Variants in PDE6B observed in about 807,000 individuals in gnomAD.
The protein encoded by PDE6B is rod cGMP-specific 3',5'-cyclic phosphodiesterase subunit beta.
Under a neutral mutation model 109.0 loss-of-function variants are expected in PDE6B, and 106 were observed. The observed-to-expected ratio is 0.97, with a 90% confidence interval of 0.83 to 1.14. The LOEUF (loss-of-function observed/expected upper bound fraction) is 1.14, where lower values mean the gene tolerates loss of function less well. PDE6B is among the 50% of genes most tolerant of loss of function. The pLI is 0.00. For synonymous variants in PDE6B, 490 were observed against 471.3 expected, an observed-to-expected ratio of 1.04 and a Z score of -0.51; for missense variants, 1,193 against 1,155.6, an observed-to-expected ratio of 1.03 and a Z score of -0.47.
intron 21 of PDE6B, among the ~76,000 whole-genome samples, chr4:669,610 C>G (rs1421673339): frequency 1.1e-5 from 1 of 90,326 alleles, no homozygotes; most frequent in Admixed American, 9.8e-5. Context: ...TTCCCGCTAC[C>G]CCATGCTATT....
rs1737467692 is a variant in PDE6B, at chr4:663,996, G to A, written c.2022-118G>A. The A allele has an allele frequency of 5.4e-6, 6 of 1,117,214 alleles. No individual in the cohort carries two copies. Among genetic ancestry groups the A allele is most frequent in the Admixed American group, 3.6e-5 (2 of 55,902 alleles). The allele number at this position is 1,117,214 out of a possible 1,614,324, so 69.2% of individuals were successfully genotyped here. On this transcript the variant is annotated intron_variant, in intron 16 of 21. Transcript: ENST00000496514. This position sits in a 1 kb window ranked among gnomAD's most constrained non-coding sequence, Gnocchi z 4.0. ...GCCCCGGATTCCGTCCCTGCCCGCC[G>A]GCCCCGCGCACCCCGGATGGGGCCT...
In PDE6B at chr4:639,453, A is replaced by G. The variant is rs547629197; in HGVS notation, c.711+3484A>G. Reference sequence around the variant, plus strand: ...AGAGCAGGGGCTCTGCTAGCAGCAAACATGAGGGAATAGAGAGCAGGTCCC... The same window carrying G: ...AGAGCAGGGGCTCTGCTAGCAGCAAGCATGAGGGAATAGAGAGCAGGTCCC... On this transcript the variant is annotated intron_variant, in intron 3 of 21. Coordinates refer to ENST00000496514, the MANE Select transcript of PDE6B (RefSeq NM_000283.4). Among the ~76,000 whole-genome samples, 18 of 152,290 alleles carry G rather than the reference A, an allele frequency of 1.2e-4. No homozygotes were observed. In the South Asian group the frequency reaches 2.7e-3, roughly 23 times the overall value.
Position 662,532 on chromosome 4 carries a change from C to T in PDE6B, c.1746C>T (p.Tyr582=), listed in dbSNP as rs200172075. Residue 582 remains tyrosine (Y), a synonymous_variant, in exon 14 of 22, where the codon TAC becomes TAT. Coordinates refer to ENST00000496514, the MANE Select transcript of PDE6B (RefSeq NM_000283.4). The surrounding 1 kb of genome is among the most constrained non-coding windows in gnomAD (Gnocchi z 4.3). ...AGACCGGCAAACTGAAGAGCTACTA[C>T]ACGGACCTGGAGGCCTTCGCCATGG... ...LLMTGKLKSY[Y]TDLEAFAMVT... 3.4e-5 allele frequency: 55 copies of T among 1,612,480 alleles called. No homozygotes were observed. Among genetic ancestry groups the T allele is most frequent in the Non-Finnish European group, 5.1e-6 (6 of 1,179,272 alleles).
intron 11 of PDE6B, among the ~76,000 whole-genome samples, chr4:659,459 A>G (rs1736760773): frequency 6.6e-6 from 1 of 152,050 alleles, no homozygotes; most frequent in Non-Finnish European, 1.5e-5. Flanking sequence ...GTCTGTGTGC[A>G]TGTGTGTGCA....
At chr4:640,679 C>T (rs192312011) in intron 3 of PDE6B, among the ~76,000 whole-genome samples, 87 of 152,178 alleles carry the variant, frequency 5.7e-4, no homozygotes, top group Non-Finnish European at 1.1e-3. Context: ...TTGTATTTTA[C>T]GTTAGATGTG....
At chr4:650,783 C>T (rs960457383) in intron 3 of PDE6B, among the ~76,000 whole-genome samples, 8 of 152,030 alleles carry the variant, frequency 5.3e-5, no homozygotes, top group African/African-American at 1.4e-4. Flanking sequence ...AGAGCCATTC[C>T]GGAGGGCAGG....
intron 1 of PDE6B, among the ~76,000 whole-genome samples, chr4:630,954 G>A (rs535063379): frequency 9.8e-5 from 15 of 152,314 alleles, no homozygotes; most frequent in East Asian, 1.9e-4. Flanking sequence ...GGATGGTAAC[G>A]GCAGCCCACC....
At chr4:667,505 G>A (rs1209130740) in intron 20 of PDE6B, among the ~76,000 whole-genome samples, 1 of 152,194 alleles carries the variant, frequency 6.6e-6, no homozygotes, top group Non-Finnish European at 1.5e-5. Context: ...GTGTGGGAGG[G>A]ACGGGAGAAG....
chr4:647,055 A>G (rs1009664172), intron 3 of PDE6B, among the ~76,000 whole-genome samples: 1 of 151,660 alleles, frequency 6.6e-6, no homozygotes, highest in Non-Finnish European at 1.5e-5. Flanking sequence ...GATGAGTGTC[A>G]CCATGTTGGC....
intron 1 of PDE6B, among the ~76,000 whole-genome samples, chr4:628,337 C>A (rs1172793846): frequency 6.6e-6 from 1 of 152,212 alleles, no homozygotes; most frequent in African/African-American, 2.4e-5. Context: ...TGAGCCGCAC[C>A]GGCCAGTTCA....
rs764461165 is a variant in PDE6B at position 625,589 on chromosome 4, G to T, written c.-38G>T. 9.2e-6 allele frequency: 13 copies of T among 1,409,226 alleles called. No homozygotes were observed. Among genetic ancestry groups the T allele is most frequent in the Non-Finnish European group, 1.2e-5 (12 of 993,310 alleles). 87.3% of individuals were successfully genotyped at this position (1,409,226 alleles called of 1,614,324 possible). On this transcript the variant is annotated 5_prime_UTR_variant, in exon 1 of 22. Transcript: ENST00000496514. The surrounding 1 kb of genome is among the most constrained non-coding windows in gnomAD (Gnocchi z 5.0). ...CAGGGTTTCCTGGGAGTCCATGCGT[G>T]CCTGGAGCAGCAGCGTCTCCAGGGA...
At chr4:639,646 T>G (rs1734854581) in intron 3 of PDE6B, among the ~76,000 whole-genome samples, 1 of 152,206 alleles carries the variant, frequency 6.6e-6, no homozygotes, top group African/African-American at 2.4e-5. Context: ...AAGCCCTGCT[T>G]CTGGCATGAG....
chr4:654,731 G>A, intron 5 of PDE6B, 93 bp from the exon 6 acceptor site: 1 of 806,052 alleles, frequency 1.2e-6, no homozygotes, highest in South Asian at 1.3e-5. Context: ...GCATGCGTGT[G>A]GCTGTGTGTA....
chr4:637,953 C>T (rs34165278), intron 3 of PDE6B, among the ~76,000 whole-genome samples: 4,414 of 152,290 alleles, frequency 0.029, 64 homozygotes, highest in Middle Eastern at 0.041. Flanking sequence ...CGCGTCAGGA[C>T]TGTTCACCCA....
rs373310149 is a variant in PDE6B at position 626,537 on chromosome 4, G to A, written c.468+443G>A. Among the ~76,000 whole-genome samples the A allele has an allele frequency of 2.0e-5, 3 of 152,314 alleles. No individual in the cohort carries two copies. The South Asian group carries it at 6.2e-4, about 32-fold the overall frequency. ...GATTTGGGAAGAAGAGGTCACAGTC[G>A]AAGGTGGTGCAGACGCCCACAGGGA... On this transcript the variant is annotated intron_variant, in intron 1 of 21. Transcript: ENST00000496514. This position sits in a 1 kb window ranked among gnomAD's most constrained non-coding sequence, Gnocchi z 4.6.
In PDE6B at chr4:631,107, C is replaced by T. The variant is rs367565889; in HGVS notation, c.469-3570C>T. ...AGAGCATTTTACAGAGTCCTGAGTG[C>T]GCTTAAATCCCAGGATGGGGAGAGA... On this transcript the variant is annotated intron_variant, in intron 1 of 21. Transcript: ENST00000496514. Among the ~76,000 whole-genome samples the T allele has an allele frequency of 4.5e-4, 69 of 152,252 alleles. 2 individuals are homozygous for T. In the South Asian group the frequency reaches 0.012, roughly 27 times the overall value.
At chr4:657,165 C>G in intron 9 of PDE6B, 142 bp downstream of exon 9, 1 of 1,139,224 alleles carries the variant, frequency 8.8e-7, no homozygotes, top group African/African-American at 1.5e-5. Context: ...AGGGAGAGGA[C>G]GACAAAGGGC....
Position 663,285 on chromosome 4 carries a change from C to A in PDE6B, c.1920+98C>A. Reference sequence around the variant, plus strand: ...CCTGCGGAGCAGGGTTCTGATGCAGCGGGTGAGCACTGGGTGTGTGAGCAC... The same window carrying A: ...CCTGCGGAGCAGGGTTCTGATGCAGAGGGTGAGCACTGGGTGTGTGAGCAC... On this transcript the variant is annotated intron_variant, in intron 15 of 21. Transcript: ENST00000496514. The surrounding 1 kb of genome is among the most constrained non-coding windows in gnomAD (Gnocchi z 4.0). 1 of 778,332 alleles carries A rather than the reference C, an allele frequency of 1.3e-6. No individual in the cohort carries two copies. The highest frequency in any genetic ancestry group is 2.5e-5 in the East Asian group (1 of 39,804). The allele number at this position is 778,332 out of a possible 1,614,324, so 48.2% of individuals were successfully genotyped here.
At chr4:655,533 G>A (rs952516421) in intron 6 of PDE6B, 3 of 358,550 alleles carry the variant, frequency 8.4e-6, no homozygotes, top group Non-Finnish European at 1.1e-5. Context: ...CTCCGGAGAG[G>A]GAGGGGTTCC....
Sources: gnomAD v4.1 joint callset for allele counts (sites outside exome capture counted in the v4.1 genomes callset) on GRCh38, gnomAD v4.1.1 for gene constraint, Gnocchi (gnomAD v3.1) non-coding constraint, MANE v1.5 for transcripts, NCBI Gene and HGNC (gene_info 2026-07-23, HGNC 2026-07-21) for gene names.